Variants in RBFOX1 observed in about 807,000 individuals in gnomAD.
The protein encoded by RBFOX1 is RNA binding fox-1 homolog 1.
A neutral mutation model predicts 57.7 loss-of-function variants in RBFOX1; 8 were observed. That is an observed-to-expected ratio of 0.14 (90% CI 0.08 to 0.25). The LOEUF (loss-of-function observed/expected upper bound fraction) is 0.25, where lower values mean the gene tolerates loss of function less well. Ranked by LOEUF, RBFOX1 falls within the 10% of genes least tolerant of loss-of-function variation. The probability of loss-of-function intolerance (pLI) is 1.00; values close to 1 mark genes in which losing one functional copy is unlikely to be tolerated. For synonymous variants in RBFOX1, 326 were observed against 222.4 expected (o/e 1.47, Z -4.15); for missense variants, 611 against 548.5 (o/e 1.11, Z -1.14).
chr16:5,917,936 C>G (rs546812306), intron 4 of RBFOX1, among the ~76,000 whole-genome samples: 9 of 152,186 alleles, frequency 5.9e-5, no homozygotes, highest in South Asian at 2.1e-4. Context: ...ATATGATCCT[C>G]TCTCTCCCAC....
At chr16:6,591,817 T>A (rs2097715340) in intron 2 of RBFOX1, among the ~76,000 whole-genome samples, 1 of 152,158 alleles carries the variant, frequency 6.6e-6, no homozygotes, top group Non-Finnish European at 1.5e-5. Flanking sequence ...CCTCACTTTT[T>A]AAAACAAGAT....
chr16:7,269,408 C>T (rs1017280284), intron 4 of RBFOX1, among the ~76,000 whole-genome samples: 2 of 151,994 alleles, frequency 1.3e-5, no homozygotes, highest in African/African-American at 2.4e-5. Context: ...TTTTTAAAAA[C>T]ATTTTGATAT....
chr16:6,161,459 G>A (rs912248323), intron 1 of RBFOX1, among the ~76,000 whole-genome samples: 8 of 152,002 alleles, frequency 5.3e-5, no homozygotes, highest in African/African-American at 1.9e-4. Context: ...CCCATTGGCT[G>A]GGGCAGCTGA....
intron 3 of RBFOX1, among the ~76,000 whole-genome samples, chr16:7,006,735 A>G (rs1266475446): frequency 6.6e-6 from 1 of 152,164 alleles, no homozygotes; most frequent in Admixed American, 6.5e-5. Flanking sequence ...GACATGAGCC[A>G]CCATGCCTGG....
chr16:6,563,627 T>A (rs1204798573), intron 2 of RBFOX1, among the ~76,000 whole-genome samples: 1 of 152,136 alleles, frequency 6.6e-6, no homozygotes, highest in East Asian at 1.9e-4. Flanking sequence ...GCAGATTGTT[T>A]GAGCTCAGGG....
intron 1 of RBFOX1, among the ~76,000 whole-genome samples, chr16:6,245,902 C>A (rs969681552): frequency 6.6e-6 from 1 of 152,168 alleles, no homozygotes; most frequent in Admixed American, 6.5e-5. Flanking sequence ...ATTCTCATGT[C>A]CTTATTCATA....
At chr16:7,263,675 T>A (rs979651172) in intron 4 of RBFOX1, among the ~76,000 whole-genome samples, 1 of 151,832 alleles carries the variant, frequency 6.6e-6, no homozygotes, top group African/African-American at 2.4e-5. Context: ...GCAGGTGGAT[T>A]ACATGAGGTC....
At chr16:5,769,454 A>G (rs1021746418) in intron 3 of RBFOX1, among the ~76,000 whole-genome samples, 2 of 151,448 alleles carry the variant, frequency 1.3e-5, no homozygotes, top group Admixed American at 6.6e-5. Context: ...CAGCCTGGCC[A>G]ACATGATGAA....
At chr16:6,525,808 C>T (rs1334422658) in intron 2 of RBFOX1, among the ~76,000 whole-genome samples, 1 of 151,938 alleles carries the variant, frequency 6.6e-6, no homozygotes, top group Non-Finnish European at 1.5e-5. Flanking sequence ...GAGAGCTTTT[C>T]TCCCATAACT....
chr16:5,480,931 A>G lies in RBFOX1; in HGVS notation c.258+13677A>G, dbSNP rs544634920. Among the ~76,000 whole-genome samples the G allele has an allele frequency of 3.9e-5, 6 of 152,344 alleles. No individual in the cohort carries two copies. The East Asian group carries it at 9.6e-4, about 24-fold the overall frequency. On this transcript the variant is annotated intron_variant, in intron 2 of 2. Transcript: ENST00000585867. Reference sequence around the variant, plus strand: ...ATATATTTTCATATTTTGCAAGGCAATCTATGTAGTATATATTCTGGAGGT... The same window carrying G: ...ATATATTTTCATATTTTGCAAGGCAGTCTATGTAGTATATATTCTGGAGGT...
chr16:6,512,064 A>T (rs996676678), intron 2 of RBFOX1, among the ~76,000 whole-genome samples: 2 of 151,880 alleles, frequency 1.3e-5, no homozygotes, highest in African/African-American at 4.8e-5. Flanking sequence ...TGAGCCCAGG[A>T]GTTCAAGACC....
intron 1 of RBFOX1, among the ~76,000 whole-genome samples, chr16:6,182,293 T>A (rs1040031738): frequency 2.0e-5 from 3 of 152,186 alleles, no homozygotes; most frequent in East Asian, 1.9e-4. Flanking sequence ...TTCCCCCAAT[T>A]TTACTCTGTT....
In RBFOX1 at chr16:6,589,825, G is replaced by T. The variant is rs536385986; in HGVS notation, c.-63-64778G>T. On this transcript the variant is annotated intron_variant, in intron 2 of 15. Transcript: ENST00000550418. Reference sequence around the variant, plus strand: ...GCCCATAAATGAACAAGGACAGCTTGGAGGTAAGAAGCAAGATGGAGCCAG... The same window carrying T: ...GCCCATAAATGAACAAGGACAGCTTTGAGGTAAGAAGCAAGATGGAGCCAG... Among the ~76,000 whole-genome samples, 6 of 152,306 alleles carry T rather than the reference G, an allele frequency of 3.9e-5. No homozygotes were observed. In the South Asian group the frequency reaches 1.2e-3, roughly 32 times the overall value.
intron 1 of RBFOX1, chr16:5,366,221 C>G (rs2065710723): frequency 2.4e-6 from 1 of 413,626 alleles, no homozygotes; most frequent in African/African-American, 2.1e-5. Flanking sequence ...AGCAGGCTGC[C>G]CCTGGAGGTG....
intron 11 of RBFOX1, 96 bp downstream of exon 11, chr16:7,630,779 C>T: frequency 6.5e-7 from 1 of 1,544,914 alleles, no homozygotes; most frequent in Non-Finnish European, 8.7e-7. Context: ...CCCTCTGCCC[C>T]ACCCTCTCTT....
chr16:5,749,246 A>G (rs2053101568), intron 3 of RBFOX1, among the ~76,000 whole-genome samples: 1 of 152,242 alleles, frequency 6.6e-6, no homozygotes, highest in South Asian at 2.1e-4. Context: ...TGTTAGTCTA[A>G]TAGGCTTCCC....
intron 4 of RBFOX1, among the ~76,000 whole-genome samples, chr16:7,174,388 T>A (rs1037063973): frequency 2.0e-5 from 3 of 152,212 alleles, no homozygotes; most frequent in Non-Finnish European, 4.4e-5. Context: ...AACACTTGTT[T>A]CCAAGTTCTT....
chr16:5,306,401 C>A (rs911961380), intron 1 of RBFOX1, among the ~76,000 whole-genome samples: 1 of 151,412 alleles, frequency 6.6e-6, no homozygotes, highest in African/African-American at 2.4e-5. Context: ...CCCACTGCAA[C>A]CTCCTCCTCC....
intron 3 of RBFOX1, among the ~76,000 whole-genome samples, chr16:6,716,172 G>A (rs1274937428): frequency 6.6e-6 from 1 of 152,220 alleles, no homozygotes; most frequent in Non-Finnish European, 1.5e-5. Flanking sequence ...TTGTAAAATA[G>A]AGGGTTATAA....
Sources: gnomAD v4.1 joint callset for allele counts (sites outside exome capture counted in the v4.1 genomes callset) on GRCh38, gnomAD v4.1.1 for gene constraint, MANE v1.5 for transcripts, NCBI Gene and HGNC (gene_info 2026-07-23, HGNC 2026-07-21) for gene names.